NDUFS2: variants seen among roughly 807,000 people sequenced by gnomAD.
The protein encoded by NDUFS2 is NADH:ubiquinone oxidoreductase core subunit S2, also known as NADH dehydrogenase [ubiquinone] iron-sulfur protein 2, mitochondrial.
NDUFS2 carries 38 observed loss-of-function variants against 69.6 expected under a neutral mutation model. The observed-to-expected ratio is 0.55, with a 90% CI of 0.42 to 0.72. The LOEUF is 0.72. Among genes scored for constraint, NDUFS2 ranks in the 30% least tolerant of loss-of-function variants. The pLI, the probability that NDUFS2 is intolerant of heterozygous loss-of-function variation, is 0.00. For missense variants in NDUFS2, 468 were observed against 595.0 expected (o/e 0.79, Z 2.22); for synonymous variants, 194 against 211.2 (o/e 0.92, Z 0.70).
intron 10 of NDUFS2, chr1:161,213,110 G>T: frequency 2.6e-6 from 1 of 385,016 alleles, no homozygotes; most frequent in Non-Finnish European, 5.0e-6. Context: ...TCACTCTGTT[G>T]GCCAGGCTGG....
intron 2 of NDUFS2, among the ~76,000 whole-genome samples, chr1:161,204,043 A>C (rs1187405954): frequency 6.6e-6 from 1 of 152,246 alleles, no homozygotes; most frequent in Non-Finnish European, 1.5e-5. Context: ...GAAAGGAAGG[A>C]TGTTGCAGAA....
chr1:161,202,180 C>G (rs1665164396), upstream of NDUFS2: 3 of 618,250 alleles, frequency 4.9e-6, no homozygotes, highest in Non-Finnish European at 8.8e-6. Context: ...AGGAAACGCC[C>G]TCAGTAAAGA....
At chr1:161,209,409 C>T (rs985739334) in intron 4 of NDUFS2, 74 bp from the exon 5 acceptor site, 1 of 1,608,768 alleles carries the variant, frequency 6.2e-7, no homozygotes, top group African/African-American at 1.3e-5. Context: ...TGTTCAGACC[C>T]CAGGCTCTGC....
At chr1:161,212,835 G>A (rs1239376907) in intron 10 of NDUFS2, among the ~76,000 whole-genome samples, 3 of 151,966 alleles carry the variant, frequency 2.0e-5, no homozygotes, top group Non-Finnish European at 2.9e-5. Flanking sequence ...TACAAAGCGT[G>A]AGCCACCACA....
chr1:161,202,054 C>T, upstream of NDUFS2: 1 of 435,120 alleles, frequency 2.3e-6, no homozygotes, highest in Non-Finnish European at 4.3e-6. Context: ...AAGGAAGCGC[C>T]GCGCGTTTCC....
chr1:161,213,850 C>T lies in NDUFS2; in HGVS notation c.1297-14C>T. On this transcript the variant is annotated splice_polypyrimidine_tract_variant and intron_variant, in intron 12 of 13. Transcript: ENST00000676972. ...AAGTCTTAACTAACATTGTTGCCAT[C>T]TCAATCTCCCTAGGCTGGTTTGGAC... 1 of 1,614,116 alleles carries T rather than the reference C, an allele frequency of 6.2e-7. No homozygotes were observed. Among genetic ancestry groups the T allele is most frequent in the Non-Finnish European group, 8.5e-7 (1 of 1,179,932 alleles).
Position 161,213,399 on chromosome 1 carries a change from T to C in NDUFS2, c.1136T>C (p.Ile379Thr). ...CTTCAGACTTCCATGGAGTCACTGA[T>C]TCATCACTTTAAGTTGTATACTGAG... ...AEMKTSMESL[I>T]HHFKLYTEGY... Residue 379 changes from isoleucine (I) to threonine (T), a missense_variant, in exon 11 of 14, where the codon ATT becomes ACT. By Grantham distance (89) the Ile-to-Thr change is moderately conservative. This residue lies in a region of NDUFS2 where 72 missense variants were observed against 118.9 expected (regional missense o/e 0.61). Coordinates refer to ENST00000676972, the MANE Select transcript of NDUFS2 (RefSeq NM_001377299.1). 1 of 1,610,372 alleles carries C rather than the reference T, an allele frequency of 6.2e-7. No individual in the cohort carries two copies. Among genetic ancestry groups the C allele is most frequent in the Non-Finnish European group, 8.5e-7 (1 of 1,177,854 alleles).
intron 13 of NDUFS2, 74 bp downstream of exon 13, chr1:161,213,995 A>G: frequency 6.2e-7 from 1 of 1,613,826 alleles, no homozygotes; most frequent in Non-Finnish European, 8.5e-7. Flanking sequence ...CAGAAGGAGA[A>G]CACTTCCTGT....
intron 2 of NDUFS2, among the ~76,000 whole-genome samples, chr1:161,204,225 A>AT (rs987099073): frequency 6.6e-6 from 1 of 151,932 alleles, no homozygotes; most frequent in Non-Finnish European, 1.5e-5. Flanking sequence ...AATACAAACC[A>AT]TTTTTTTTCC....
chr1:161,202,415 C>A lies in NDUFS2; in HGVS notation c.30C>A (p.Phe10Leu), dbSNP rs863224104. Residue 10 changes from phenylalanine to leucine, a missense_variant, in exon 1 of 14, where the codon TTC becomes TTA. Phe to Leu is a conservative substitution (Grantham distance 22, BLOSUM62 0). Transcript: ENST00000676972. MAALRALCG[F>L]RGVAAQVLRP... is the part of the protein sequence containing the mutation. ...CGGCGCTGAGGGCTTTGTGCGGCTTCCGGGGCGTCGCGGCCCAGGTGCTGC... is the reference window on the plus strand; with the variant it reads ...CGGCGCTGAGGGCTTTGTGCGGCTTACGGGGCGTCGCGGCCCAGGTGCTGC... 61 of 1,612,834 alleles carry A rather than the reference C, an allele frequency of 3.8e-5. No homozygotes were observed. The highest frequency in any genetic ancestry group is 5.2e-5 in the Non-Finnish European group (61 of 1,179,696).
intron 1 of NDUFS2, 57 bp from the exon 2 acceptor site, chr1:161,203,380 C>T (rs1258654633): frequency 6.8e-7 from 1 of 1,462,222 alleles, no homozygotes; most frequent in Non-Finnish European, 9.6e-7. Flanking sequence ...TGAATGGGAA[C>T]ACAGGAACCA....
chr1:161,209,324 C>G lies in NDUFS2; in HGVS notation c.514+11C>G, dbSNP rs76309459. The G allele has an allele frequency of 1.4e-5, 23 of 1,614,024 alleles. No individual in the cohort carries two copies. The East Asian group carries it at 4.7e-4, about 33-fold the overall frequency. ...CACAGTGGATCCGAGGTATGTCCCC[C>G]CAACTTTTTCTGTGGCCCACTGTGA... On this transcript the variant is annotated intron_variant, in intron 4 of 13. Coordinates refer to ENST00000676972, the MANE Select transcript of NDUFS2 (RefSeq NM_001377299.1).
intron 3 of NDUFS2, among the ~76,000 whole-genome samples, chr1:161,208,168 A>G (rs1377944081): frequency 2.0e-5 from 3 of 151,224 alleles, no homozygotes; most frequent in Non-Finnish European, 4.4e-5. Flanking sequence ...TATTTTTAGT[A>G]GAGATGGGGT....
upstream of NDUFS2, among the ~76,000 whole-genome samples, chr1:161,201,866 T>G (rs759158508): frequency 2.6e-5 from 4 of 152,214 alleles, no homozygotes; most frequent in Admixed American, 6.5e-5. Flanking sequence ...TAGGCTCCTT[T>G]CTCCAATCTC....
rs546362887 is a variant in NDUFS2 at position 161,212,240 on chromosome 1, A to C, written c.987-111A>C. ...AGCAGAGATGCTGTACTTGGAGAAAAGAGTGGGGAGAGTTGACCTAACCCT... is the reference window on the plus strand; with the variant it reads ...AGCAGAGATGCTGTACTTGGAGAAACGAGTGGGGAGAGTTGACCTAACCCT... On this transcript the variant is annotated intron_variant, in intron 9 of 13. Coordinates refer to ENST00000676972, the MANE Select transcript of NDUFS2 (RefSeq NM_001377299.1). 4.9e-5 allele frequency: 66 copies of C among 1,353,192 alleles called. No individual in the cohort carries two copies. The African/African-American group carries it at 8.4e-4, about 17-fold the overall frequency. The allele number at this position is 1,353,192 out of a possible 1,614,324, so 83.8% of individuals were successfully genotyped here.
intron 10 of NDUFS2, 69 bp from the exon 11 acceptor site, chr1:161,213,311 G>A: frequency 1.0e-6 from 1 of 991,354 alleles, no homozygotes; most frequent in Non-Finnish European, 1.6e-6. Context: ...ATTATTTTCT[G>A]TGCTGGGGGA....
At chr1:161,202,357 T>G (rs1380805668), upstream of NDUFS2, 1 of 1,597,286 alleles carries the variant, frequency 6.3e-7, no homozygotes, top group South Asian at 1.1e-5. Flanking sequence ...CGCCCGGTTC[T>G]CCTTCCCGCA....
chr1:161,197,593 A>G (rs1213418707), upstream of NDUFS2: 1 of 191,278 alleles, frequency 5.2e-6, no homozygotes, highest in Non-Finnish European at 1.1e-5. Context: ...TAGGGCCTCA[A>G]ACCTGACTCC....
At chr1:161,203,363 T>G (rs1452002706) in intron 1 of NDUFS2, 74 bp from the exon 2 acceptor site, 2 of 1,313,042 alleles carry the variant, frequency 1.5e-6, no homozygotes, top group Admixed American at 3.4e-5. Context: ...CTGGGTCCCC[T>G]TGAGAGTGAA....
Sources: allele counts gnomAD v4.1 joint callset (sites outside exome capture counted in the v4.1 genomes callset), GRCh38; gene constraint gnomAD v4.1.1; regional missense constraint gnomAD v4.1.1; transcripts MANE v1.5; gene names NCBI Gene and HGNC (gene_info 2026-07-23, HGNC 2026-07-21).